GDPD5: variants seen among roughly 807,000 people sequenced by gnomAD.
GDPD5 encodes the protein glycerophosphodiester phosphodiesterase 2.
In GDPD5, 48 loss-of-function variants were observed where a neutral mutation model predicts 75.1. The ratio of observed to expected loss-of-function variants is 0.64; its 90% CI spans 0.51 to 0.81. GDPD5 has a LOEUF of 0.81. GDPD5 is among the 40% of genes least tolerant of loss of function. The pLI is 0.00. For synonymous variants in GDPD5, 336 were observed against 339.0 expected (o/e 0.99, Z 0.10); for missense variants, 706 against 822.6 (o/e 0.86, Z 1.73).
At position 75,437,237 on chromosome 11, in the gene GDPD5, G is replaced by A. The variant is rs971752283; in HGVS notation, c.1557-189C>T. 4 of 566,630 alleles carry A rather than the reference G, an allele frequency of 7.1e-6. No homozygotes were observed. The East Asian group carries it at 1.2e-4, about 17-fold the overall frequency. 35.1% of individuals were successfully genotyped at this position (566,630 alleles called of 1,614,324 possible). On this transcript the variant is annotated intron_variant, in intron 15 of 16. Transcript: ENST00000336898. ...TTGAATCAGAGCCTACTGACTCTCG[G>A]CCAGGGCTCCCTGGCCTCCCTCTTA...
At chr11:75,449,268 A>C (rs1180577884) in intron 8 of GDPD5, 146 bp from the exon 9 acceptor site, 1 of 952,164 alleles carries the variant, frequency 1.1e-6, no homozygotes. Context: ...CCCCGCCTCT[A>C]ACTCACACAG....
intron 2 of GDPD5, among the ~76,000 whole-genome samples, chr11:75,478,571 C>G (rs1949832135): frequency 6.6e-6 from 1 of 152,218 alleles, no homozygotes; most frequent in Non-Finnish European, 1.5e-5. Context: ...TTAAATATAA[C>G]TTGCTTATTT....
At chr11:75,436,526 A>G (rs1948630359) in intron 16 of GDPD5, among the ~76,000 whole-genome samples, 1 of 128,594 alleles carries the variant, frequency 7.8e-6, no homozygotes, top group African/African-American at 2.9e-5. Flanking sequence ...GCCACTGTTT[A>G]TATACGTAGC....
At chr11:75,451,648 G>GCT (rs1949157285) in intron 6 of GDPD5, 1 of 152,248 alleles carries the variant, frequency 6.6e-6, no homozygotes, top group Admixed American at 6.5e-5. Context: ...CCGGCGCGCA[G>GCT]CTCCCCCTTG....
intron 3 of GDPD5, among the ~76,000 whole-genome samples, chr11:75,465,019 T>C (rs1282316762): frequency 6.6e-6 from 1 of 152,168 alleles, no homozygotes; most frequent in Non-Finnish European, 1.5e-5. Flanking sequence ...CAAATTCTTA[T>C]TTGCTCATAA....
chr11:75,436,697 C>T (rs1236012047), intron 16 of GDPD5, among the ~76,000 whole-genome samples: 1 of 152,204 alleles, frequency 6.6e-6, no homozygotes, highest in Non-Finnish European at 1.5e-5. Context: ...GGCACTGACA[C>T]CAAGCCATGG....
At chr11:75,482,205 T>C (rs560720940) in intron 2 of GDPD5, among the ~76,000 whole-genome samples, 8 of 152,240 alleles carry the variant, frequency 5.3e-5, no homozygotes, top group Non-Finnish European at 8.8e-5. Flanking sequence ...TAGAAGTGCA[T>C]GCGTCATGCC....
At chr11:75,502,593 T>G (rs893821072) in intron 1 of GDPD5, among the ~76,000 whole-genome samples, 1 of 152,240 alleles carries the variant, frequency 6.6e-6, no homozygotes, top group African/African-American at 2.4e-5. Context: ...TACAAAGTGA[T>G]GCTGACACCA....
At chr11:75,448,742 C>A (rs1384936457) in intron 9 of GDPD5, 1 of 1,223,010 alleles carries the variant, frequency 8.2e-7, no homozygotes, top group East Asian at 4.0e-5. Flanking sequence ...AACCCTCCTG[C>A]ATCTTTGCAG....
Position 75,462,766 on chromosome 11 carries a change from C to T in GDPD5, c.221+20G>A, listed in dbSNP as rs377399723. 5.0e-6 allele frequency: 8 copies of T among 1,590,162 alleles called. 1 individual carries two copies. The South Asian group carries it at 5.5e-5, about 11-fold the overall frequency. ...CCCAGCTCTGGGCCCCTTCCTCCCC[C>T]ACCCACTGCCCCTACTCACCAGTTG... On this transcript the variant is annotated intron_variant, in intron 4 of 16. Coordinates refer to ENST00000336898, the MANE Select transcript of GDPD5 (RefSeq NM_030792.8).
intron 1 of GDPD5, among the ~76,000 whole-genome samples, chr11:75,499,271 C>T (rs1950263022): frequency 6.6e-6 from 1 of 152,172 alleles, no homozygotes; most frequent in African/African-American, 2.4e-5. Context: ...GACCCCTCCC[C>T]TCAGGTCCCA....
At chr11:75,449,774 T>A in intron 7 of GDPD5, 111 bp downstream of exon 7, 1 of 1,295,786 alleles carries the variant, frequency 7.7e-7, no homozygotes, top group Non-Finnish European at 1.1e-6. Context: ...AGTTCTGACC[T>A]GCTCTGTGAC....
chr11:75,522,218 T>A (rs1783552), intron 1 of GDPD5, among the ~76,000 whole-genome samples: 4 of 152,126 alleles, frequency 2.6e-5, no homozygotes, highest in African/African-American at 9.7e-5. Flanking sequence ...AAGATGATCC[T>A]TAACAGCCTT....
chr11:75,499,600 C>T (rs1950269869), intron 1 of GDPD5, among the ~76,000 whole-genome samples: 1 of 151,992 alleles, frequency 6.6e-6, no homozygotes, highest in Non-Finnish European at 1.5e-5. Flanking sequence ...AAATACTGAC[C>T]GCCACTCCAA....
chr11:75,523,437 C>T (rs1246742339), intron 1 of GDPD5, among the ~76,000 whole-genome samples: 1 of 152,208 alleles, frequency 6.6e-6, no homozygotes, highest in African/African-American at 2.4e-5. Flanking sequence ...CTCTGAGCTT[C>T]AGTTGCCCAC....
chr11:75,474,645 T>C (rs1013418876), intron 3 of GDPD5, among the ~76,000 whole-genome samples: 3 of 151,428 alleles, frequency 2.0e-5, no homozygotes, highest in African/African-American at 7.3e-5. Context: ...GAGGTGGGAA[T>C]GTGTCAGGCT....
rs916932614 is a variant in GDPD5, at chr11:75,443,231, C to T, written c.853G>A (p.Val285Met). The T allele has an allele frequency of 9.3e-6, 15 of 1,608,784 alleles. No individual in the cohort carries two copies. The highest frequency in any genetic ancestry group is 2.2e-5 in the South Asian group (2 of 89,598). Residue 285 changes from valine to methionine, a missense_variant, in exon 11 of 17, where the codon GTG (valine) becomes ATG (methionine). Physicochemically the swap from Val to Met is conservative, Grantham distance 21. Transcript: ENST00000336898. ...GCCAGCTCCGGGAACTCCTCCTCCACGTTGGTGGTGCGCCGCAGGGTGGTG... is the reference window on the plus strand; with the variant it reads ...GCCAGCTCCGGGAACTCCTCCTCCATGTTGGTGGTGCGCCGCAGGGTGGTG... ...HDTTLRRTTN[V>M]EEEFPELARR...
chr11:75,435,738 A>C, intron 16 of GDPD5, 83 bp from the exon 17 acceptor site: 1 of 1,413,636 alleles, frequency 7.1e-7, no homozygotes, highest in Non-Finnish European at 9.6e-7. Flanking sequence ...GGAAGGCTGC[A>C]CCACCCAGCG....
intron 6 of GDPD5, chr11:75,452,897 G>C (rs1390257536): frequency 1.3e-5 from 2 of 152,830 alleles, no homozygotes; most frequent in African/African-American, 4.8e-5. Context: ...GCAGGTCCTG[G>C]GCTGGGGGCT....
Sources: allele counts gnomAD v4.1 joint callset (sites outside exome capture counted in the v4.1 genomes callset), GRCh38; gene constraint gnomAD v4.1.1; transcripts MANE v1.5; gene names NCBI Gene and HGNC (gene_info 2026-07-23, HGNC 2026-07-21).